GALNTL6: variants seen among roughly 807,000 people sequenced by gnomAD.
The protein encoded by GALNTL6 is polypeptide N-acetylgalactosaminyltransferase-like 6.
Under a neutral mutation model 73.7 loss-of-function variants are expected in GALNTL6, and 46 were observed. The observed-to-expected ratio is 0.62, with a 90% CI of 0.49 to 0.80. The LOEUF is 0.80. Among genes scored for constraint, GALNTL6 ranks in the 30% least tolerant of loss-of-function variants. The pLI is 0.00. For synonymous variants in GALNTL6, 259 were observed against 263.7 expected, an observed-to-expected ratio of 0.98 and a Z score of 0.17; for missense variants, 604 against 755.0, an observed-to-expected ratio of 0.80 and a Z score of 2.34.
chr4:172,476,868 G>C (rs1337001645), intron 5 of GALNTL6, among the ~76,000 whole-genome samples: 2 of 150,846 alleles, frequency 1.3e-5, no homozygotes, highest in Non-Finnish European at 2.9e-5. Context: ...TTTCCAAATA[G>C]TACATTCTAT....
At chr4:172,245,406 A>T (rs923804686) in intron 3 of GALNTL6, among the ~76,000 whole-genome samples, 2 of 152,164 alleles carry the variant, frequency 1.3e-5, no homozygotes, top group Non-Finnish European at 2.9e-5. Flanking sequence ...TCATCCTTAC[A>T]TTTAGAGTTA....
At chr4:172,652,945 A>G (rs189834222) in intron 5 of GALNTL6, among the ~76,000 whole-genome samples, 12 of 152,094 alleles carry the variant, frequency 7.9e-5, no homozygotes, top group African/African-American at 2.7e-4. Context: ...ACGATTTTCA[A>G]ATATTTGGTG....
intron 2 of GALNTL6, among the ~76,000 whole-genome samples, chr4:171,968,852 T>C (rs1739474149): frequency 6.9e-6 from 1 of 144,222 alleles, no homozygotes; most frequent in African/African-American, 2.6e-5. Flanking sequence ...GGGGGGGGGG[T>C]TGGGGACAGA....
chr4:172,977,740 C>T (rs1045864168), intron 10 of GALNTL6, among the ~76,000 whole-genome samples: 1 of 152,086 alleles, frequency 6.6e-6, no homozygotes, highest in African/African-American at 2.4e-5. Flanking sequence ...TACTAGGAAG[C>T]ATGTTCTGGG....
At position 172,002,416 on chromosome 4, in the gene GALNTL6, A is replaced by G. The variant is rs925692323; in HGVS notation, c.138+187698A>G. Among the ~76,000 whole-genome samples the G allele has an allele frequency of 1.1e-4, 16 of 152,118 alleles. 1 individual carries two copies. The highest frequency in any genetic ancestry group is 4.6e-4 in the Admixed American group (7 of 15,248). On this transcript the variant is annotated intron_variant, in intron 2 of 12. Transcript: ENST00000506823. ...CAGGAAGTGGATGCTCACCAAAGGTAAAATCTTCCCCTGCCTTGATCTTGA... is the reference window on the plus strand; with the variant it reads ...CAGGAAGTGGATGCTCACCAAAGGTGAAATCTTCCCCTGCCTTGATCTTGA...
At chr4:172,100,963 C>T (rs1732494928) in intron 2 of GALNTL6, among the ~76,000 whole-genome samples, 1 of 152,088 alleles carries the variant, frequency 6.6e-6, no homozygotes. Context: ...AGTTAGACCA[C>T]CAAAGCAAGA....
chr4:172,239,131 G>C (rs1385007757), intron 3 of GALNTL6, among the ~76,000 whole-genome samples: 1 of 152,096 alleles, frequency 6.6e-6, no homozygotes, highest in Non-Finnish European at 1.5e-5. Context: ...AGTTAGGGAG[G>C]AATCTCTCCT....
chr4:172,547,950 C>G (rs781713856), intron 5 of GALNTL6, among the ~76,000 whole-genome samples: 2 of 152,104 alleles, frequency 1.3e-5, no homozygotes, highest in South Asian at 2.1e-4. Context: ...GCAAGCTGTA[C>G]AGTTTAACAA....
chr4:172,614,507 G>A (rs1750100301), intron 5 of GALNTL6, among the ~76,000 whole-genome samples: 1 of 152,076 alleles, frequency 6.6e-6, no homozygotes, highest in Non-Finnish European at 1.5e-5. Context: ...TTGAAGTATT[G>A]CAGAAGAAAA....
At chr4:172,500,940 A>G (rs1452567686) in intron 5 of GALNTL6, among the ~76,000 whole-genome samples, 2 of 152,244 alleles carry the variant, frequency 1.3e-5, no homozygotes, top group East Asian at 1.9e-4. Context: ...TAAGTTCCCT[A>G]TGTTTCACAA....
intron 2 of GALNTL6, among the ~76,000 whole-genome samples, chr4:171,838,157 C>T (rs1346415637): frequency 1.4e-5 from 2 of 147,888 alleles, no homozygotes; most frequent in African/African-American, 5.3e-5. Context: ...GAGTTTCGCT[C>T]TTTTTGCCCA....
rs1037865748 is a variant in GALNTL6 at position 171,858,523 on chromosome 4, G to A, written c.138+43805G>A. On this transcript the variant is annotated intron_variant, in intron 2 of 12. Coordinates refer to ENST00000506823, the MANE Select transcript of GALNTL6 (RefSeq NM_001034845.3). ...TATATGTTAATATCCACACTTTTCAGGTGTGGAATCTGAAGCCTATAGATT... is the reference window on the plus strand; with the variant it reads ...TATATGTTAATATCCACACTTTTCAAGTGTGGAATCTGAAGCCTATAGATT... Among the ~76,000 whole-genome samples, 18 of 150,334 alleles carry A rather than the reference G, an allele frequency of 1.2e-4. 1 individual carries two copies. The highest frequency in any genetic ancestry group is 4.5e-4 in the African/African-American group (18 of 39,846).
chr4:173,010,585 G>T (rs1752502990), intron 11 of GALNTL6, among the ~76,000 whole-genome samples: 1 of 151,068 alleles, frequency 6.6e-6, no homozygotes, highest in African/African-American at 2.4e-5. Flanking sequence ...TTTTTTTGTT[G>T]TTTTTTTTGT....
chr4:172,121,260 TGTGTG>T (rs1733143253), intron 2 of GALNTL6, among the ~76,000 whole-genome samples: 1 of 44,054 alleles, frequency 2.3e-5, no homozygotes, highest in African/African-American at 1.9e-4. Context: ...AGAAGCATTG[TGTGTG>T]TGTGTGTGTG....
At chr4:172,952,704 C>T (rs540877795) in intron 10 of GALNTL6, among the ~76,000 whole-genome samples, 55 of 152,160 alleles carry the variant, frequency 3.6e-4, no homozygotes, top group African/African-American at 1.2e-3. Context: ...TTAGTAGAGA[C>T]GGGGTTTTGC....
intron 5 of GALNTL6, among the ~76,000 whole-genome samples, chr4:172,513,462 T>G (rs955956620): frequency 2.6e-5 from 4 of 152,214 alleles, no homozygotes; most frequent in African/African-American, 9.6e-5. Flanking sequence ...CCTGGTGAGC[T>G]AGGGTGATCT....
At chr4:172,772,724 G>A (rs980653692) in intron 5 of GALNTL6, among the ~76,000 whole-genome samples, 5 of 107,770 alleles carry the variant, frequency 4.6e-5, no homozygotes, top group African/African-American at 8.5e-5. Flanking sequence ...AGGCTGAGTA[G>A]TGGCCCCAAA....
intron 2 of GALNTL6, among the ~76,000 whole-genome samples, chr4:171,849,966 A>AT (rs1560812838): frequency 6.6e-6 from 1 of 152,134 alleles, no homozygotes; most frequent in Admixed American, 6.5e-5. Context: ...GAGAGTTAAC[A>AT]TTTTTTGGTT....
At chr4:172,001,208 C>T (rs181974886) in intron 2 of GALNTL6, among the ~76,000 whole-genome samples, 1 of 152,192 alleles carries the variant, frequency 6.6e-6, no homozygotes, top group East Asian at 1.9e-4. Context: ...AATTGTTTGA[C>T]ATTAAGAAGA....
Sources: gnomAD v4.1 joint callset for allele counts (sites outside exome capture counted in the v4.1 genomes callset) on GRCh38, gnomAD v4.1.1 for gene constraint, MANE v1.5 for transcripts, NCBI Gene and HGNC (gene_info 2026-07-23, HGNC 2026-07-21) for gene names.